Variants in TSPAN33 observed in about 807,000 individuals in gnomAD.
TSPAN33 encodes the protein tetraspanin-33.
A neutral mutation model predicts 34.8 loss-of-function variants in TSPAN33; 27 were observed. That is an observed-to-expected ratio of 0.78 (90% CI 0.57 to 1.07). The LOEUF (loss-of-function observed/expected upper bound fraction) is 1.07, where lower values mean the gene tolerates loss of function less well. Among genes scored for constraint, TSPAN33 ranks in the 50% least tolerant of loss-of-function variants. The pLI is 0.00. For missense variants in TSPAN33, 272 were observed against 324.9 expected (o/e 0.84, Z 1.25); for synonymous variants, 119 against 124.2 (o/e 0.96, Z 0.28).
intron 1 of TSPAN33, among the ~76,000 whole-genome samples, chr7:129,153,845 G>A (rs1305181180): frequency 6.6e-6 from 1 of 152,072 alleles, no homozygotes; most frequent in East Asian, 1.9e-4. Flanking sequence ...GGAGGCTGAG[G>A]CAGGAGGATT....
chr7:129,164,704 A>G, intron 5 of TSPAN33, 135 bp downstream of exon 5: 1 of 740,262 alleles, frequency 1.4e-6, no homozygotes, highest in Non-Finnish European at 2.4e-6. Context: ...TTGGCAAAAA[A>G]GCACACGTAG....
chr7:129,151,858 GC>G (rs1810600645), intron 1 of TSPAN33, among the ~76,000 whole-genome samples: 1 of 152,122 alleles, frequency 6.6e-6, no homozygotes, highest in African/African-American at 2.4e-5. Flanking sequence ...ACACCTAGCA[GC>G]CACATCTCTT....
intron 1 of TSPAN33, among the ~76,000 whole-genome samples, chr7:129,153,027 C>T (rs1038526787): frequency 5.1e-5 from 7 of 138,402 alleles, no homozygotes; most frequent in Non-Finnish European, 9.1e-5. Context: ...CCACTGCACT[C>T]CAGCCTGGGC....
chr7:129,168,330 C>T lies in TSPAN33; in HGVS notation c.*456C>T, dbSNP rs1793175270. Reference sequence around the variant, plus strand: ...TGCCTGGACTCCACTTGGCATGATACCAGCTCCAGAAGGGAAGGGAGTGGA... The same window carrying T: ...TGCCTGGACTCCACTTGGCATGATATCAGCTCCAGAAGGGAAGGGAGTGGA... On this transcript the variant is annotated 3_prime_UTR_variant, in exon 8 of 8. Transcript: ENST00000486685. The T allele has an allele frequency of 6.0e-6, 1 of 167,762 alleles. No individual in the cohort carries two copies. Among genetic ancestry groups the T allele is most frequent in the African/African-American group, 2.4e-5 (1 of 41,934 alleles). The allele number at this position is 167,762 out of a possible 1,614,324, so 10.4% of individuals were successfully genotyped here. A position where few individuals can be genotyped will look rare whatever the true frequency, so the allele number is the denominator to read the frequency against.
intron 5 of TSPAN33, among the ~76,000 whole-genome samples, chr7:129,166,260 A>T (rs1473548997): frequency 6.6e-6 from 1 of 152,150 alleles, no homozygotes; most frequent in Non-Finnish European, 1.5e-5. Context: ...ACTTTTAAGT[A>T]AAAGTGCTTC....
At position 129,167,327 on chromosome 7, in the gene TSPAN33, C is replaced by T; in HGVS notation, c.589-72C>T. ...TAGGAGTTTGGGAAGGGTGGGAAGCCCATCAGCTAAGGCCCCAAACAAAAA... is the reference window on the plus strand; with the variant it reads ...TAGGAGTTTGGGAAGGGTGGGAAGCTCATCAGCTAAGGCCCCAAACAAAAA... On this transcript the variant is annotated intron_variant, in intron 6 of 7. Coordinates refer to ENST00000486685, the MANE Select transcript of TSPAN33 (RefSeq NM_178562.5). The surrounding 1 kb of genome is among the most constrained non-coding windows in gnomAD (Gnocchi z 4.6). The T allele has an allele frequency of 3.3e-6, 5 of 1,520,070 alleles. No homozygotes were observed. Among genetic ancestry groups the T allele is most frequent in the Non-Finnish European group, 4.5e-6 (5 of 1,116,562 alleles). The allele number at this position is 1,520,070 out of a possible 1,614,324, so 94.2% of individuals were successfully genotyped here.
chr7:129,144,895 G>C lies in TSPAN33; in HGVS notation c.-86G>C, dbSNP rs557004629. On this transcript the variant is annotated 5_prime_UTR_variant, in exon 1 of 8. Transcript: ENST00000486685. ...GCCGGGCTCCTGCGCGGCGCGGCTC[G>C]GCTCATGCCCCCGGGCGCGGGGCAC... 1.8e-4 allele frequency: 39 copies of C among 220,344 alleles called. No homozygotes were observed. The highest frequency in any genetic ancestry group is 1.2e-3 in the Admixed American group (20 of 16,704). The allele number at this position is 220,344 out of a possible 1,614,324, so 13.6% of individuals were successfully genotyped here.
Position 129,161,671 on chromosome 7 carries a change from C to T in TSPAN33, c.103-8C>T. 1 of 1,614,128 alleles carries T rather than the reference C, an allele frequency of 6.2e-7. No individual in the cohort carries two copies. Among genetic ancestry groups the T allele is most frequent in the Non-Finnish European group, 8.5e-7 (1 of 1,179,982 alleles). ...TCTCAGGGTCTGGCTCTTTTCCTGTCTCCACAGGTGATTTCCATGGTGATG... is the reference window on the plus strand; with the variant it reads ...TCTCAGGGTCTGGCTCTTTTCCTGTTTCCACAGGTGATTTCCATGGTGATG... On this transcript the variant is annotated splice_polypyrimidine_tract_variant and splice_region_variant and intron_variant, in intron 1 of 7. Transcript: ENST00000486685.
intron 1 of TSPAN33, among the ~76,000 whole-genome samples, chr7:129,146,986 C>T (rs942667823): frequency 6.6e-6 from 1 of 151,738 alleles, no homozygotes; most frequent in Non-Finnish European, 1.5e-5. Context: ...CACCCTACCC[C>T]CCTTTTATCG....
intron 1 of TSPAN33, among the ~76,000 whole-genome samples, chr7:129,153,155 A>G (rs1473708314): frequency 1.3e-5 from 2 of 152,234 alleles, no homozygotes; most frequent in African/African-American, 2.4e-5. Flanking sequence ...TGTAATTCCA[A>G]TGACAGGAAA....
chr7:129,164,929 C>G (rs1037332340), intron 5 of TSPAN33: 2 of 189,248 alleles, frequency 1.1e-5, no homozygotes, highest in Non-Finnish European at 2.2e-5. Context: ...TACTCTTTCC[C>G]CCCTTCTCAC....
At chr7:129,146,563 T>G (rs1156263844) in intron 1 of TSPAN33, among the ~76,000 whole-genome samples, 1 of 152,212 alleles carries the variant, frequency 6.6e-6, no homozygotes, top group Non-Finnish European at 1.5e-5. Flanking sequence ...CACAGATGGC[T>G]GCTGCTATAG....
intron 1 of TSPAN33, among the ~76,000 whole-genome samples, chr7:129,157,398 T>A (rs1363374252): frequency 6.6e-6 from 1 of 152,116 alleles, no homozygotes; most frequent in Non-Finnish European, 1.5e-5. Flanking sequence ...GTGTGCAAGG[T>A]CAAGCTGTGA....
rs1793127597 is a variant in TSPAN33 at position 129,165,679 on chromosome 7, G to A, written c.460-1099G>A. ...AATCCCAGCACTTTGGGAGGCCAAG[G>A]CAGGCAGATCATTTGAGGTCAGGAG... On this transcript the variant is annotated intron_variant, in intron 5 of 7. Coordinates refer to ENST00000486685, the MANE Select transcript of TSPAN33 (RefSeq NM_178562.5). The surrounding 1 kb of genome is among the most constrained non-coding windows in gnomAD (Gnocchi z 4.5). Among the ~76,000 whole-genome samples the A allele has an allele frequency of 6.6e-6, 1 of 152,160 alleles. No homozygotes were observed. The highest frequency in any genetic ancestry group is 6.5e-5 in the Admixed American group (1 of 15,282).
rs573266562 is a variant in TSPAN33 at position 129,164,093 on chromosome 7, AT to A, written c.364-379del. ...TCTGTTTTGAGTCTAAAGAGATGCA[AT>A]TATCTAGTGTCCACTAGAGGGCAGT... On this transcript the variant is annotated intron_variant, in intron 4 of 7. Coordinates refer to ENST00000486685, the MANE Select transcript of TSPAN33 (RefSeq NM_178562.5). 3.2e-3 allele frequency among the ~76,000 whole-genome samples: 493 copies of A among 152,308 alleles called. 3 individuals carry two copies. Among genetic ancestry groups the A allele is most frequent in the Middle Eastern group, 0.02 (6 of 294 alleles).
intron 3 of TSPAN33, 75 bp downstream of exon 3, chr7:129,162,596 G>A: frequency 6.3e-7 from 1 of 1,590,126 alleles, no homozygotes; most frequent in Non-Finnish European, 8.5e-7. Context: ...ACGGCCCTTT[G>A]GTTGCCTTGT....
At chr7:129,153,997 ACTGTGACT>A (rs1042683491) in intron 1 of TSPAN33, among the ~76,000 whole-genome samples, 1 of 152,120 alleles carries the variant, frequency 6.6e-6, no homozygotes, top group African/African-American at 2.4e-5. Flanking sequence ...CCAACAGAGC[ACTGTGACT>A]TCCCAGTGCT....
chr7:129,167,582 G>C lies in TSPAN33; in HGVS notation c.750+22G>C. On this transcript the variant is annotated intron_variant, in intron 7 of 7. Coordinates refer to ENST00000486685, the MANE Select transcript of TSPAN33 (RefSeq NM_178562.5). The surrounding 1 kb of genome is among the most constrained non-coding windows in gnomAD (Gnocchi z 4.6). Reference sequence around the variant, plus strand: ...CCAGGTAACTTACCCTGTGAGACTTGTTGGTCCCACACACTCTGTAAAGAC... The same window carrying C: ...CCAGGTAACTTACCCTGTGAGACTTCTTGGTCCCACACACTCTGTAAAGAC... 6.2e-7 allele frequency: 1 copy of C among 1,611,058 alleles called. No individual in the cohort carries two copies. Among genetic ancestry groups the C allele is most frequent in the Non-Finnish European group, 8.5e-7 (1 of 1,177,990 alleles).
rs866937831 is a variant in TSPAN33, at chr7:129,148,641, C to T, written c.102+3559C>T. Among the ~76,000 whole-genome samples, 53 of 152,144 alleles carry T rather than the reference C, an allele frequency of 3.5e-4. No homozygotes were observed. Among genetic ancestry groups the T allele is most frequent in the Non-Finnish European group, 3.1e-4 (21 of 68,028 alleles). Reference sequence around the variant, plus strand: ...GTGTTCTCCTCTGTGGTGGGTCTGGCGGCCTGGCAACCCTCCACTTAAGCC... The same window carrying T: ...GTGTTCTCCTCTGTGGTGGGTCTGGTGGCCTGGCAACCCTCCACTTAAGCC... On this transcript the variant is annotated intron_variant, in intron 1 of 7. Transcript: ENST00000486685. The surrounding 1 kb of genome is among the most constrained non-coding windows in gnomAD (Gnocchi z 4.2).
Sources: gnomAD v4.1 joint callset for allele counts (sites outside exome capture counted in the v4.1 genomes callset) on GRCh38, gnomAD v4.1.1 for gene constraint, Gnocchi (gnomAD v3.1) non-coding constraint, MANE v1.5 for transcripts, NCBI Gene and HGNC (gene_info 2026-07-23, HGNC 2026-07-21) for gene names.